The following ZNF98 variants were observed in gnomAD, a reference collection of about 807,000 sequenced individuals.
ZNF98 encodes the protein zinc finger protein 98.
In ZNF98, 8 loss-of-function variants were observed where a neutral mutation model predicts 12.8. The ratio of observed to expected loss-of-function variants is 0.63; its 90% CI spans 0.37 to 1.13. The LOEUF is 1.13. Among genes scored for constraint, ZNF98 ranks in the 50% most tolerant of loss-of-function variants. The pLI, the probability that ZNF98 is intolerant of heterozygous loss-of-function variation, is 0.01. For synonymous variants in ZNF98, 112 were observed against 223.5 expected (o/e 0.50, Z 4.45); for missense variants, 379 against 666.1 (o/e 0.57, Z 4.74).
chr19:22,409,401 C>T (rs936238348), intron 1 of ZNF98, among the ~76,000 whole-genome samples: 7 of 151,994 alleles, frequency 4.6e-5, no homozygotes, highest in African/African-American at 1.2e-4. Flanking sequence ...ATGACGAAAA[C>T]GCCAAAAGCA....
chr19:22,411,554 C>A (rs1233802290), intron 1 of ZNF98, among the ~76,000 whole-genome samples: 6 of 152,130 alleles, frequency 3.9e-5, no homozygotes, highest in African/African-American at 1.2e-4. Context: ...AAAAATAAAT[C>A]TTTGCCAAAG....
Position 22,392,723 on chromosome 19 carries a change from C to T in ZNF98, c.512G>A (p.Arg171Lys). The T allele has an allele frequency of 6.2e-7, 1 of 1,605,484 alleles. No individual in the cohort carries two copies. The highest frequency in any genetic ancestry group is 1.7e-4 in the Middle Eastern group (1 of 6,034). ...KVFHKFSNSN[R>K]HKIGHTGKKS... ...CTTTCCAGTATGTCCTATCTTATGT[C>T]TGTTTGAATTTGAAAATTTATGAAA... The change falls in exon 4 of 4, where the codon AGA becomes AAA. Residue 171 changes from arginine (R) to lysine (K), a missense_variant. By Grantham distance (26) the Arg-to-Lys change is conservative. Transcript: ENST00000357774.
chr19:22,404,178 C>T (rs1357798487), intron 1 of ZNF98, among the ~76,000 whole-genome samples: 1 of 152,182 alleles, frequency 6.6e-6, no homozygotes, highest in Non-Finnish European at 1.5e-5. Flanking sequence ...TGAAATCGCG[C>T]CACTACACTC....
intron 2 of ZNF98, 145 bp downstream of exon 2, chr19:22,403,241 T>G (rs547899039): frequency 4.1e-6 from 4 of 975,216 alleles, no homozygotes; most frequent in Middle Eastern, 2.4e-4. Flanking sequence ...CTTTTCTACA[T>G]AGACAAATCT....
intron 3 of ZNF98, among the ~76,000 whole-genome samples, chr19:22,398,242 GAAACAGA>G (rs1391135617): frequency 1.3e-5 from 2 of 152,220 alleles, no homozygotes; most frequent in African/African-American, 4.8e-5. Flanking sequence ...TATACTCTTA[GAAACAGA>G]AAACAGAATG....
Position 22,391,641 on chromosome 19 carries a change from T to C in ZNF98, c.1594A>G (p.Ile532Val), listed in dbSNP as rs1268487886. 1 of 1,613,852 alleles carries C rather than the reference T, an allele frequency of 6.2e-7. No homozygotes were observed. Among genetic ancestry groups the C allele is most frequent in the South Asian group, 1.1e-5 (1 of 91,052 alleles). ...TGAATCATCTTATGTCTGTTAAGAA[T>C]AGAGGAGTTGTTAAAGGCTTTGCCG... ...ECGKAFNNSSILNRHKMIHTG... is the reference protein window; with the variant it reads ...ECGKAFNNSSVLNRHKMIHTG... The change falls in exon 4 of 4, where the codon ATT (isoleucine) becomes GTT (valine). Residue 532 changes from isoleucine to valine, a missense_variant. Physicochemically the swap from Ile to Val is conservative, Grantham distance 29. Around this residue, in one of 8 missense-constraint regions of ZNF98, gnomAD observed 59 missense variants for 50.3 expected, o/e 1.17. Coordinates refer to ENST00000357774, the MANE Select transcript of ZNF98 (RefSeq NM_001098626.2).
intron 1 of ZNF98, among the ~76,000 whole-genome samples, chr19:22,416,824 TAC>T (rs35593482): frequency 4.0e-5 from 6 of 150,334 alleles, no homozygotes; most frequent in Middle Eastern, 3.4e-3. Context: ...CACACACACA[TAC>T]ACACACACAC....
At chr19:22,394,795 A>G (rs965681123) in intron 3 of ZNF98, among the ~76,000 whole-genome samples, 1 of 152,110 alleles carries the variant, frequency 6.6e-6, no homozygotes, top group African/African-American at 2.4e-5. Flanking sequence ...AGTATAATGA[A>G]ATAAATAAAT....
intron 3 of ZNF98, among the ~76,000 whole-genome samples, chr19:22,396,116 G>T (rs2145108703): frequency 6.6e-6 from 1 of 151,558 alleles, no homozygotes; most frequent in East Asian, 1.9e-4. Flanking sequence ...CATAAAAACA[G>T]AATCTTGTGG....
intron 1 of ZNF98, among the ~76,000 whole-genome samples, chr19:22,404,129 A>C (rs1969493023): frequency 6.6e-6 from 1 of 152,230 alleles, no homozygotes; most frequent in South Asian, 2.1e-4. Flanking sequence ...CTGAGGCAGG[A>C]GAATGGCATG....
rs766591986 is a variant in ZNF98 at position 22,391,626 on chromosome 19, T to C, written c.1609A>G (p.Lys537Glu). Residue 537 changes from lysine to glutamate, a missense_variant, in exon 4 of 4, where the codon AAG (lysine) becomes GAG (glutamate). Around this residue, in one of 8 missense-constraint regions of ZNF98, gnomAD observed 59 missense variants for 50.3 expected, o/e 1.17. Transcript: ENST00000357774. ...AGTTTCTCTCCAGTATGAATCATCTTATGTCTGTTAAGAATAGAGGAGTTG... is the reference window on the plus strand; with the variant it reads ...AGTTTCTCTCCAGTATGAATCATCTCATGTCTGTTAAGAATAGAGGAGTTG... ...FNNSSILNRH[K>E]MIHTGEKLYK... is the part of the protein sequence containing the mutation. The C allele has an allele frequency of 3.3e-5, 53 of 1,613,562 alleles. No homozygotes were observed. The highest frequency in any genetic ancestry group is 3.3e-4 in the Middle Eastern group (2 of 6,076).
intron 1 of ZNF98, among the ~76,000 whole-genome samples, chr19:22,421,106 C>T (rs952270698): frequency 4.6e-5 from 7 of 152,128 alleles, no homozygotes; most frequent in Non-Finnish European, 1.0e-4. Flanking sequence ...ACTATAGCAG[C>T]TTAACTTTTT....
chr19:22,394,644 C>T (rs1405973852), intron 3 of ZNF98, among the ~76,000 whole-genome samples: 1 of 151,704 alleles, frequency 6.6e-6, no homozygotes, highest in Non-Finnish European at 1.5e-5. Context: ...AATGAGAATA[C>T]CTGGACACAG....
intron 3 of ZNF98, among the ~76,000 whole-genome samples, chr19:22,396,215 T>C (rs1339856796): frequency 1.3e-5 from 2 of 152,176 alleles, no homozygotes; most frequent in East Asian, 1.9e-4. Flanking sequence ...TGTTAATGAA[T>C]ATACAATGTA....
intron 3 of ZNF98, among the ~76,000 whole-genome samples, chr19:22,393,951 A>G (rs1182242682): frequency 6.6e-6 from 1 of 151,676 alleles, no homozygotes; most frequent in East Asian, 1.9e-4. Context: ...CAAAGGGCAA[A>G]CATCCAGAAT....
At chr19:22,402,445 CAT>C (rs1969469867) in intron 3 of ZNF98, 1 of 406,584 alleles carries the variant, frequency 2.5e-6, no homozygotes, top group African/African-American at 2.1e-5. Flanking sequence ...AACAGTTTAA[CAT>C]AGAGTTTCTC....
At chr19:22,410,094 CAG>C (rs1969564874) in intron 1 of ZNF98, among the ~76,000 whole-genome samples, 2 of 152,014 alleles carry the variant, frequency 1.3e-5, no homozygotes, top group Admixed American at 6.6e-5. Flanking sequence ...ATTAAAAAGT[CAG>C]AAACAATAGA....
intron 1 of ZNF98, among the ~76,000 whole-genome samples, chr19:22,413,119 A>G (rs1380537634): frequency 6.6e-6 from 1 of 152,092 alleles, no homozygotes; most frequent in Non-Finnish European, 1.5e-5. Flanking sequence ...TCACAAACCC[A>G]CAGACAACAT....
In ZNF98 at chr19:22,392,892, A is replaced by C; in HGVS notation, c.343T>G (p.Cys115Gly). The C allele has an allele frequency of 6.2e-7, 1 of 1,607,740 alleles. No homozygotes were observed. Among genetic ancestry groups the C allele is most frequent in the Non-Finnish European group, 8.5e-7 (1 of 1,177,914 alleles). The change falls in exon 4 of 4, where the codon TGT becomes GGT. Residue 115 changes from cysteine (C) to glycine (G), a missense_variant. This residue lies in a region of ZNF98 where 223 missense variants were observed against 261.6 expected (regional missense o/e 0.85). Transcript: ENST00000357774. ...QKVILRTYKK[C>G]GRENLQLRKY... ...CTTAACTGTAAATTTTCACGTCCACATTTTTTATATGTTCTCAGTATCACT... is the reference window on the plus strand; with the variant it reads ...CTTAACTGTAAATTTTCACGTCCACCTTTTTTATATGTTCTCAGTATCACT...
Sources: gnomAD v4.1 joint callset for allele counts (sites outside exome capture counted in the v4.1 genomes callset) on GRCh38, gnomAD v4.1.1 for gene constraint, gnomAD v4.1.1 regional missense constraint, MANE v1.5 for transcripts, NCBI Gene and HGNC (gene_info 2026-07-23, HGNC 2026-07-21) for gene names.